Variants in FAT1 observed in about 807,000 individuals in gnomAD.
FAT1 encodes FAT atypical cadherin 1, also known as protocadherin Fat 1.
A neutral mutation model predicts 329.8 loss-of-function variants in FAT1; 171 were observed. The ratio of observed to expected loss-of-function variants is 0.52; its 90% CI spans 0.46 to 0.59. The LOEUF is 0.59. FAT1 is among the 20% of genes least tolerant of loss of function. The pLI is 0.00. For missense variants in FAT1, 5,672 were observed against 5,774.4 expected, an observed-to-expected ratio of 0.98 and a Z score of 0.57; for synonymous variants, 2,233 against 2,228.6, an observed-to-expected ratio of 1.00 and a Z score of -0.06.
intron 2 of FAT1, among the ~76,000 whole-genome samples, chr4:186,685,955 C>T (rs1330177680): frequency 1.3e-5 from 2 of 152,176 alleles, no homozygotes; most frequent in African/African-American, 2.4e-5. Context: ...AATTCATCAA[C>T]CTCAGATTCC....
At position 186,707,123 on chromosome 4, in the gene FAT1, C is replaced by T. The variant is rs2126685788; in HGVS notation, c.2705G>A (p.Arg902Lys). 6.2e-7 allele frequency: 1 copy of T among 1,613,984 alleles called. No homozygotes were observed. Among genetic ancestry groups the T allele is most frequent in the Non-Finnish European group, 8.5e-7 (1 of 1,179,886 alleles). The change falls in exon 2 of 27, where the codon AGA (arginine) becomes AAA (lysine). Residue 902 changes from arginine (R) to lysine (K), a missense_variant. Coordinates refer to ENST00000441802, the MANE Select transcript of FAT1 (RefSeq NM_005245.4). ...AGTGGAGAACAGCTGAGGCTCTTCTCTGGCTTGGTCCCTGGCCTCAATCTT... is the reference window on the plus strand; with the variant it reads ...AGTGGAGAACAGCTGAGGCTCTTCTTTGGCTTGGTCCCTGGCCTCAATCTT... ...SLKIEARDQA[R>K]EEPQLFSTVV... is the part of the protein sequence containing the mutation.
intron 2 of FAT1, among the ~76,000 whole-genome samples, chr4:186,665,561 G>GT (rs1742397116): frequency 6.6e-6 from 1 of 152,034 alleles, no homozygotes; most frequent in Non-Finnish European, 1.5e-5. Flanking sequence ...TTGTAAATTT[G>GT]TTTGAGTTCT....
chr4:186,640,080 T>TCACACCAATGCTCTCCAGCCTGGGCAA (rs1741025104), intron 3 of FAT1, among the ~76,000 whole-genome samples: 1 of 151,970 alleles, frequency 6.6e-6, no homozygotes, highest in Non-Finnish European at 1.5e-5. Context: ...GTTGCAGAGA[T>TCACACCAATGCTCTCCAGCCTGGGCAA]CACACCAATG....
chr4:186,632,163 T>C lies in FAT1; in HGVS notation c.4323+1521A>G, dbSNP rs143731203. Among the ~76,000 whole-genome samples the C allele has an allele frequency of 2.4e-4, 36 of 152,344 alleles. No individual in the cohort carries two copies. In the East Asian group the frequency reaches 5.2e-3, roughly 22 times the overall value. ...ACTAGAATACACTTCCTGGGTTTTA[T>C]AGGGATTTTAGTTGGTGCACGTGAT... On this transcript the variant is annotated intron_variant, in intron 7 of 26. Coordinates refer to ENST00000441802, the MANE Select transcript of FAT1 (RefSeq NM_005245.4).
At chr4:186,659,619 G>C (rs1742071815) in intron 3 of FAT1, among the ~76,000 whole-genome samples, 1 of 151,438 alleles carries the variant, frequency 6.6e-6, no homozygotes, top group South Asian at 2.1e-4. Context: ...AGCCCGCTGT[G>C]GCACTTGTCC....
chr4:186,597,175 C>T lies in FAT1; in HGVS notation c.12369-4G>A, dbSNP rs1738571852. ...CTCGTCGATATCACTCTGACACCTG[C>T]CAAGGAAGTCAGGAATGAGGAGAGA... On this transcript the variant is annotated splice_polypyrimidine_tract_variant and splice_region_variant and intron_variant, in intron 24 of 26. Transcript: ENST00000441802. The T allele has an allele frequency of 6.3e-7, 1 of 1,593,720 alleles. No individual in the cohort carries two copies. Among genetic ancestry groups the T allele is most frequent in the Non-Finnish European group, 8.5e-7 (1 of 1,169,742 alleles).
At chr4:186,625,376 G>A (rs1740251815) in intron 9 of FAT1, among the ~76,000 whole-genome samples, 1 of 152,118 alleles carries the variant, frequency 6.6e-6, no homozygotes, top group Non-Finnish European at 1.5e-5. Flanking sequence ...GATCTTATTT[G>A]TGACTAATGA....
chr4:186,619,424 GT>G lies in FAT1; in HGVS notation c.7161del (p.Pro2388HisfsTer22). 3 of 1,614,008 alleles carry G rather than the reference GT, an allele frequency of 1.9e-6. No individual in the cohort carries two copies. The highest frequency in any genetic ancestry group is 2.5e-6 in the Non-Finnish European group (3 of 1,179,900). On this transcript the variant is annotated frameshift_variant, in exon 10 of 27. Coordinates refer to ENST00000441802, the MANE Select transcript of FAT1 (RefSeq NM_005245.4). LOFTEE classifies it high-confidence loss of function. Reference sequence around the variant, plus strand: ...TCATAAATCTGTTGTTCAAAGAGTGGTGGATTATCATTGAGGTCGGTAACGT... The same window carrying G: ...TCATAAATCTGTTGTTCAAAGAGTGGGGATTATCATTGAGGTCGGTAACGT... ...TVDVTDLNDN[P>X]PLFEQQIYEA...
rs558478064 is a variant in FAT1, at chr4:186,702,095, A to G, written c.3265+4468T>C. 6.2e-4 allele frequency among the ~76,000 whole-genome samples: 94 copies of G among 151,708 alleles called. 1 individual carries two copies. The highest frequency in any genetic ancestry group is 2.2e-3 in the African/African-American group (89 of 41,264). ...GCCGACCTCCACACAGGTGACACAG[A>G]CATGAGGCCAGGAGCCGGCCTCCAC... On this transcript the variant is annotated intron_variant, in intron 2 of 26. Coordinates refer to ENST00000441802, the MANE Select transcript of FAT1 (RefSeq NM_005245.4).
rs755127492 is a variant in FAT1, at chr4:186,597,747, G to A, written c.12303C>T (p.Gly4101=). The A allele has an allele frequency of 2.0e-5, 32 of 1,613,750 alleles. No individual in the cohort carries two copies. Among genetic ancestry groups the A allele is most frequent in the African/African-American group, 1.3e-4 (10 of 74,994 alleles). ...CATCCAAACTGTCAAAGCATGTTCC[G>A]CCATTCTTACAGGGTTCATCTTTGC... ...PYCKDEPCKN[G]GTCFDSLDGA... is the part of the protein sequence containing the mutation. The change falls in exon 24 of 27, where the codon GGC becomes GGT. Residue 4101 remains glycine, a synonymous_variant. Transcript: ENST00000441802.
chr4:186,648,773 C>T (rs962204236), intron 3 of FAT1, among the ~76,000 whole-genome samples: 8 of 152,098 alleles, frequency 5.3e-5, no homozygotes, highest in Non-Finnish European at 1.0e-4. Flanking sequence ...CCCTTCTTCC[C>T]GCTCCATGCC....
At chr4:186,612,744 A>G (rs1409261020) in intron 13 of FAT1, among the ~76,000 whole-genome samples, 1 of 152,194 alleles carries the variant, frequency 6.6e-6, no homozygotes, top group Non-Finnish European at 1.5e-5. Flanking sequence ...AAGGTTTGTA[A>G]ACCTATCATA....
intron 26 of FAT1, among the ~76,000 whole-genome samples, chr4:186,594,676 GTATATATA>G (rs60074549): frequency 1.9e-4 from 25 of 128,342 alleles, no homozygotes; most frequent in African/African-American, 3.5e-4. Context: ...ATACTTGAAA[GTATATATA>G]TATATATATA....
Position 186,613,243 on chromosome 4 carries a change from C to G in FAT1, c.9329G>C (p.Ser3110Thr), listed in dbSNP as rs2126475455. Residue 3110 changes from serine (S) to threonine (T), a missense_variant, in exon 13 of 27, where the codon AGT becomes ACT. Physicochemically the swap from Ser to Thr is moderately conservative, Grantham distance 58 (BLOSUM62 1). This residue lies in a region of FAT1 where 3,966 missense variants were observed against 3,915.2 expected (regional missense o/e 1.01). Transcript: ENST00000441802. The stretch of plus-strand genomic sequence containing the variant: ...CACATCTTCTAGCGTGAGCACAATA[C>G]TGGCTTGGCAGAATCTTCCTCCTCC... ...TDGGGRFCQA[S>T]IVLTLEDVND... 2 of 1,613,950 alleles carry G rather than the reference C, an allele frequency of 1.2e-6. No homozygotes were observed. Among genetic ancestry groups the G allele is most frequent in the Non-Finnish European group, 1.7e-6 (2 of 1,179,830 alleles).
chr4:186,626,363 A>AGAAT (rs561191943), intron 9 of FAT1, among the ~76,000 whole-genome samples: 1 of 47,006 alleles, frequency 2.1e-5, no homozygotes, highest in South Asian at 1.4e-3. Context: ...ATCAGCCTAC[A>AGAAT]GAATGAATGA....
At position 186,695,728 on chromosome 4, in the gene FAT1, C is replaced by T. The variant is rs574363330; in HGVS notation, c.3265+10835G>A. On this transcript the variant is annotated intron_variant, in intron 2 of 26. Transcript: ENST00000441802. Reference sequence around the variant, plus strand: ...GACAAAAGCAGATTTTTTAAACATGCTAAAATAATTTTTAATATGTATTAT... The same window carrying T: ...GACAAAAGCAGATTTTTTAAACATGTTAAAATAATTTTTAATATGTATTAT... Among the ~76,000 whole-genome samples the T allele has an allele frequency of 1.4e-4, 21 of 148,870 alleles. 1 individual carries two copies. In the South Asian group the frequency reaches 4.1e-3, roughly 29 times the overall value.
chr4:186,691,145 TC>T (rs1743741325), intron 2 of FAT1, among the ~76,000 whole-genome samples: 1 of 152,214 alleles, frequency 6.6e-6, no homozygotes, highest in South Asian at 2.1e-4. Context: ...AGTTCACCTT[TC>T]ACATATGAGC....
chr4:186,596,967 C>A lies in FAT1; in HGVS notation c.12573G>T (p.Gly4191=), dbSNP rs749675349. 1.2e-6 allele frequency: 2 copies of A among 1,613,878 alleles called. No individual in the cohort carries two copies. The highest frequency in any genetic ancestry group is 1.7e-6 in the Non-Finnish European group (2 of 1,179,900). Residue 4191 remains glycine (G), a synonymous_variant, in exon 25 of 27, where the codon GGG becomes GGT. Coordinates refer to ENST00000441802, the MANE Select transcript of FAT1 (RefSeq NM_005245.4). The surrounding 1 kb of genome is among the most constrained non-coding windows in gnomAD (Gnocchi z 4.7). The part of the protein sequence containing the change: ...EGIGIVVFVA[G]IFLLVVVFVL... ...CAAACACCACCACCAGTAAAAATAT[C>A]CCTGCAACAAACACAACGATTCCAA...
Position 186,603,367 on chromosome 4 carries a change from G to C in FAT1, c.11159C>G (p.Thr3720Ser), listed in dbSNP as rs764791778. 6.2e-6 allele frequency: 10 copies of C among 1,613,882 alleles called. No homozygotes were observed. Among genetic ancestry groups the C allele is most frequent in the Non-Finnish European group, 8.5e-6 (10 of 1,179,894 alleles). Reference protein sequence around the residue: ...QLLHKINSSVTDIEEIIGVRI... With the variant: ...QLLHKINSSVSDIEEIIGVRI... The stretch of plus-strand genomic sequence containing the variant: ...AACTCCAATGATTTCCTCAATGTCA[G>C]TCACGGAAGAGTTAATCTTGTGCAG... Residue 3720 changes from threonine to serine, a missense_variant, in exon 19 of 27, where the codon ACT (threonine) becomes AGT (serine). By Grantham distance (58) the Thr-to-Ser change is moderately conservative. Around this residue, in one of 2 missense-constraint regions of FAT1, gnomAD observed 1,706 missense variants for 1,859.1 expected, o/e 0.92. Transcript: ENST00000441802.
Sources: allele counts gnomAD v4.1 joint callset (sites outside exome capture counted in the v4.1 genomes callset), GRCh38; gene constraint gnomAD v4.1.1; regional missense constraint gnomAD v4.1.1; non-coding constraint Gnocchi (gnomAD v3.1); transcripts MANE v1.5; gene names NCBI Gene and HGNC (gene_info 2026-07-23, HGNC 2026-07-21).